The following IGF2R variants were observed in gnomAD, a reference collection of about 807,000 sequenced individuals.
IGF2R encodes cation-independent mannose-6-phosphate receptor.
IGF2R carries 91 observed loss-of-function variants against 270.6 expected under a neutral mutation model. The observed-to-expected ratio is 0.34, with a 90% CI of 0.28 to 0.40. The LOEUF is 0.40. IGF2R is among the 10% of genes least tolerant of loss of function. The pLI is 1.00. For missense variants in IGF2R, 2,805 were observed against 3,188.3 expected (o/e 0.88, Z 2.90); for synonymous variants, 1,316 against 1,258.9 (o/e 1.05, Z -0.96).
At chr6:160,049,805 G>C (rs1351135109) in intron 18 of IGF2R, among the ~76,000 whole-genome samples, 1 of 152,220 alleles carries the variant, frequency 6.6e-6, no homozygotes, top group East Asian at 1.9e-4. Context: ...TTTATAATCT[G>C]TGTGTAATAG....
At position 160,102,550 on chromosome 6, in the gene IGF2R, G is replaced by A. The variant is rs1779510283; in HGVS notation, c.6874G>A (p.Asp2292Asn). ...VGFDSENPGDDGQMHKGLSER... is the reference protein window; with the variant it reads ...VGFDSENPGDNGQMHKGLSER... ...CTTTGACAGCGAGAATCCCGGGGAC[G>A]ACGGGCAGATGCACAAGGGGCTGTC... Residue 2292 changes from aspartate (D) to asparagine (N), a missense_variant, in exon 46 of 48, where the codon GAC becomes AAC. By Grantham distance (23) the Asp-to-Asn change is conservative. Around this residue, in one of 2 missense-constraint regions of IGF2R, gnomAD observed 1,851 missense variants for 2,207.2 expected, o/e 0.84. Transcript: ENST00000356956. This position sits in a 1 kb window ranked among gnomAD's most constrained non-coding sequence, Gnocchi z 4.5. 3 of 1,612,994 alleles carry A rather than the reference G, an allele frequency of 1.9e-6. No homozygotes were observed. Among genetic ancestry groups the A allele is most frequent in the South Asian group, 1.1e-5 (1 of 91,024 alleles).
At position 160,047,233 on chromosome 6, in the gene IGF2R, A is replaced by G. The variant is rs779812734; in HGVS notation, c.2126A>G (p.Tyr709Cys). Residue 709 changes from tyrosine (Y) to cysteine (C), a missense_variant, in exon 16 of 48, where the codon TAC becomes TGC. Around this residue, in one of 2 missense-constraint regions of IGF2R, gnomAD observed 954 missense variants for 981.1 expected, o/e 0.97. Coordinates refer to ENST00000356956, the MANE Select transcript of IGF2R (RefSeq NM_000876.4). The stretch of plus-strand genomic sequence containing the variant: ...TATGATGGGATGATCCAACTGAACT[A>G]CAGAGGCGGCACACCCTATAACAAT... ...SYYDGMIQLN[Y>C]RGGTPYNNER... 1.2e-6 allele frequency: 2 copies of G among 1,614,024 alleles called. No homozygotes were observed. Among genetic ancestry groups the G allele is most frequent in the Admixed American group, 1.7e-5 (1 of 60,026 alleles).
chr6:160,027,271 G>T lies in IGF2R; in HGVS notation c.733G>T (p.Val245Phe). 1.2e-6 allele frequency: 2 copies of T among 1,614,102 alleles called. No homozygotes were observed. The highest frequency in any genetic ancestry group is 1.7e-6 in the Non-Finnish European group (2 of 1,180,018). Residue 245 changes from valine to phenylalanine, a missense_variant, in exon 6 of 48, where the codon GTT (valine) becomes TTT (phenylalanine). Coordinates refer to ENST00000356956, the MANE Select transcript of IGF2R (RefSeq NM_000876.4). ...CLVRGHQAFD[V>F]GQPRDGLKLV... ...GGTAAGAGGACACCAGGCGTTTGATGTTGGCCAGCCCCGGGACGGACTGAA... is the reference window on the plus strand; with the variant it reads ...GGTAAGAGGACACCAGGCGTTTGATTTTGGCCAGCCCCGGGACGGACTGAA...
At chr6:160,059,725 C>A (rs1337594928) in intron 22 of IGF2R, among the ~76,000 whole-genome samples, 2 of 152,228 alleles carry the variant, frequency 1.3e-5, no homozygotes, top group African/African-American at 4.8e-5. Context: ...ATGATCACCC[C>A]CTGCTGCTCT....
chr6:160,053,565 T>G (rs1778244576), intron 19 of IGF2R, among the ~76,000 whole-genome samples: 1 of 152,204 alleles, frequency 6.6e-6, no homozygotes, highest in Non-Finnish European at 1.5e-5. Flanking sequence ...ATGGAAATGC[T>G]TTGGGGCCAT....
At chr6:159,980,180 CAAAAAAGAAAGAAAGA>C (rs1240994880) in intron 1 of IGF2R, among the ~76,000 whole-genome samples, 1 of 87,326 alleles carries the variant, frequency 1.1e-5, no homozygotes, top group African/African-American at 4.7e-5. Flanking sequence ...GACTCCGTCT[CAAAAAAGAAAGAAAGA>C]AAGAAAGAAA....
chr6:160,001,042 T>C (rs771941461), intron 2 of IGF2R, among the ~76,000 whole-genome samples: 1 of 151,994 alleles, frequency 6.6e-6, no homozygotes, highest in Non-Finnish European at 1.5e-5. Context: ...TGGCCTGGTA[T>C]GAGTTTTAAA....
At chr6:160,040,831 T>A in intron 11 of IGF2R, 107 bp downstream of exon 11, 1 of 1,118,064 alleles carries the variant, frequency 8.9e-7, no homozygotes, top group South Asian at 1.5e-5. Flanking sequence ...GTGGGTTGCG[T>A]CACAGCCCTC....
At chr6:160,055,135 G>A (rs1485902428) in intron 19 of IGF2R, among the ~76,000 whole-genome samples, 2 of 152,114 alleles carry the variant, frequency 1.3e-5, no homozygotes, top group Admixed American at 6.5e-5. Flanking sequence ...AGCTTGGGCC[G>A]CCCACTTCTT....
At chr6:159,977,623 T>G (rs751324953) in intron 1 of IGF2R, among the ~76,000 whole-genome samples, 17 of 152,222 alleles carry the variant, frequency 1.1e-4, no homozygotes, top group Non-Finnish European at 2.1e-4. Context: ...ATTTTCCTCC[T>G]CAAGAGGGGT....
intron 10 of IGF2R, among the ~76,000 whole-genome samples, chr6:160,040,259 T>A (rs1397159650): frequency 6.6e-6 from 1 of 152,194 alleles, no homozygotes; most frequent in African/African-American, 2.4e-5. Flanking sequence ...CACTCACTGC[T>A]CTTGCGTTCC....
chr6:160,005,396 G>A (rs1405498646), intron 2 of IGF2R: 2 of 152,226 alleles, frequency 1.3e-5, no homozygotes, highest in Non-Finnish European at 2.9e-5. Context: ...CCTTGTCTGG[G>A]AGGCCGCGGT....
chr6:160,089,984 C>T lies in IGF2R; in HGVS notation c.6536C>T (p.Ser2179Phe), dbSNP rs1437062865. The T allele has an allele frequency of 6.2e-7, 1 of 1,607,442 alleles. No individual in the cohort carries two copies. The change falls in exon 44 of 48, where the codon TCC becomes TTC. Residue 2179 changes from serine (S) to phenylalanine (F), a missense_variant. By Grantham distance (155) the Ser-to-Phe change is radical (BLOSUM62 -2). Around this residue, in one of 2 missense-constraint regions of IGF2R, gnomAD observed 1,851 missense variants for 2,207.2 expected, o/e 0.84. Transcript: ENST00000356956. ...TACCTGTATGAGATCCAACTTTCCTCCATCACAAGCTCCAGAAACCCGGCG... is the reference window on the plus strand; with the variant it reads ...TACCTGTATGAGATCCAACTTTCCTTCATCACAAGCTCCAGAAACCCGGCG... ...DNYLYEIQLS[S>F]ITSSRNPACS...
chr6:160,047,767 C>A, intron 16 of IGF2R, 25 bp from the exon 17 acceptor site: 1 of 1,385,520 alleles, frequency 7.2e-7, no homozygotes, highest in Non-Finnish European at 1.0e-6. Flanking sequence ...TTTTGCCATC[C>A]CTCCGCGCAT....
At chr6:160,022,066 C>T (rs929751431) in intron 4 of IGF2R, among the ~76,000 whole-genome samples, 4 of 147,080 alleles carry the variant, frequency 2.7e-5, no homozygotes, top group Non-Finnish European at 6.0e-5. Flanking sequence ...ACCACTCAGC[C>T]GTAAGGCAGA....
chr6:160,019,568 C>T (rs965189566), intron 4 of IGF2R, among the ~76,000 whole-genome samples: 15 of 152,112 alleles, frequency 9.9e-5, no homozygotes, highest in Admixed American at 6.5e-5. Context: ...AAAATCTCAA[C>T]AAAATACTAG....
chr6:159,995,013 A>T (rs1173564800), intron 2 of IGF2R, among the ~76,000 whole-genome samples: 1 of 152,008 alleles, frequency 6.6e-6, no homozygotes, highest in Non-Finnish European at 1.5e-5. Flanking sequence ...TGTGTTGATG[A>T]TCTTTCTAGT....
intron 4 of IGF2R, 43 bp from the exon 5 acceptor site, chr6:160,024,529 A>AAG: frequency 6.2e-7 from 1 of 1,602,834 alleles, no homozygotes; most frequent in Non-Finnish European, 8.5e-7. Context: ...CTGATTGACC[A>AAG]AGATGTATAC....
intron 1 of IGF2R, among the ~76,000 whole-genome samples, chr6:159,985,009 C>G (rs745797399): frequency 1.3e-5 from 2 of 152,098 alleles, no homozygotes; most frequent in Admixed American, 6.5e-5. Context: ...GGTTCCAGGC[C>G]TCTACTGGGG....
Sources: allele counts gnomAD v4.1 joint callset (sites outside exome capture counted in the v4.1 genomes callset), GRCh38; gene constraint gnomAD v4.1.1; regional missense constraint gnomAD v4.1.1; non-coding constraint Gnocchi (gnomAD v3.1); transcripts MANE v1.5; gene names NCBI Gene and HGNC (gene_info 2026-07-23, HGNC 2026-07-21).